Variants in CETP observed in about 807,000 individuals in gnomAD.
The protein encoded by CETP is cholesteryl ester transfer protein.
In CETP, 56 loss-of-function variants were observed where a neutral mutation model predicts 66.5. That is an observed-to-expected ratio of 0.84 (90% confidence interval 0.68 to 1.05). CETP has a LOEUF of 1.05. Among genes scored for constraint, CETP ranks in the 50% least tolerant of loss-of-function variants. The probability of loss-of-function intolerance (pLI) is 0.00; values close to 1 mark genes in which losing one functional copy is unlikely to be tolerated. For synonymous variants in CETP, 251 were observed against 245.7 expected (o/e 1.02, Z -0.20); for missense variants, 612 against 609.6 (o/e 1.00, Z -0.04).
rs536221680 is a variant in CETP at position 56,983,331 on chromosome 16, G to A, written c.1327G>A (p.Glu443Lys). 37 of 1,614,174 alleles carry A rather than the reference G, an allele frequency of 2.3e-5. No individual in the cohort carries two copies. The highest frequency in any genetic ancestry group is 6.7e-5 in the Admixed American group (4 of 60,026). ...VGIPEVMSRL[E>K]VVFTALMNSK... ...GGCTCTGTCCCCTGCCCCAGGGCTC[G>A]AGGTAGTGTTTACAGCCCTCATGAA... The change falls in exon 15 of 16, where the codon GAG (glutamate) becomes AAG (lysine). Residue 443 changes from glutamate to lysine, a missense_variant. Glu to Lys is a moderately conservative substitution (Grantham distance 56, BLOSUM62 1). Coordinates refer to ENST00000200676, the MANE Select transcript of CETP (RefSeq NM_000078.3).
chr16:56,981,313 G>A, intron 12 of CETP, 88 bp downstream of exon 12: 1 of 1,069,510 alleles, frequency 9.4e-7, no homozygotes, highest in South Asian at 1.3e-5. Context: ...GGGTGTTGGT[G>A]GGGAAATGTG....
chr16:56,971,366 G>A lies in CETP; in HGVS notation c.643G>A (p.Val215Ile). ...CATCTCTAACATCATGGCCGATTTT[G>A]TCCAGACAAGGGCTGGTGAGTGCGT... ...NVISNIMADF[V>I]QTRAASILSD... Residue 215 changes from valine (V) to isoleucine (I), a missense_variant, in exon 7 of 16, where the codon GTC (valine) becomes ATC (isoleucine). Physicochemically the swap from Val to Ile is conservative, Grantham distance 29. Transcript: ENST00000200676. 1 of 1,613,906 alleles carries A rather than the reference G, an allele frequency of 6.2e-7. No individual in the cohort carries two copies. Among genetic ancestry groups the A allele is most frequent in the Admixed American group, 1.7e-5 (1 of 60,004 alleles).
At chr16:56,962,150 A>G in intron 1 of CETP, 53 bp downstream of exon 1, 1 of 1,471,524 alleles carries the variant, frequency 6.8e-7, no homozygotes, top group Non-Finnish European at 9.5e-7. Flanking sequence ...ATGGACACCC[A>G]CTATGCCAGG....
At chr16:56,970,469 C>A (rs1286783072) in intron 5 of CETP, among the ~76,000 whole-genome samples, 1 of 152,210 alleles carries the variant, frequency 6.6e-6, no homozygotes, top group East Asian at 1.9e-4. Flanking sequence ...CACAACTCGC[C>A]ACTAAGGGAT....
intron 2 of CETP, among the ~76,000 whole-genome samples, chr16:56,964,639 C>A (rs770103962): frequency 4.6e-5 from 7 of 152,212 alleles, no homozygotes; most frequent in Non-Finnish European, 8.8e-5. Flanking sequence ...ACACGCTCCC[C>A]AGGGGTGGTC....
At chr16:56,965,748 A>G (rs2056061476) in intron 2 of CETP, among the ~76,000 whole-genome samples, 1 of 152,114 alleles carries the variant, frequency 6.6e-6, no homozygotes, top group Non-Finnish European at 1.5e-5. Context: ...GAGTTCAGCA[A>G]GGGTAGAGGG....
chr16:56,971,038 G>T lies in CETP; in HGVS notation c.533G>T (p.Gly178Val). 1 of 1,614,120 alleles carries T rather than the reference G, an allele frequency of 6.2e-7. No homozygotes were observed. Among genetic ancestry groups the T allele is most frequent in the Non-Finnish European group, 8.5e-7 (1 of 1,180,030 alleles). Reference protein sequence around the residue: ...LLHLQGEREPGWIKQLFTNFI... With the variant: ...LLHLQGEREPVWIKQLFTNFI... ...GTGGTGCTTGCTGCCTTCAGGCCTG[G>T]GTGGATCAAGCAGCTGTTCACAAAT... Residue 178 changes from glycine (G) to valine (V), a missense_variant, in exon 6 of 16, where the codon GGG becomes GTG. Coordinates refer to ENST00000200676, the MANE Select transcript of CETP (RefSeq NM_000078.3).
intron 5 of CETP, among the ~76,000 whole-genome samples, chr16:56,970,580 C>G (rs548095456): frequency 5.9e-5 from 9 of 152,196 alleles, no homozygotes; most frequent in Non-Finnish European, 1.3e-4. Context: ...TCTTGGCCAA[C>G]ACCCTCTGTC....
At chr16:56,968,518 G>A (rs1395487361) in intron 2 of CETP, among the ~76,000 whole-genome samples, 1 of 151,988 alleles carries the variant, frequency 6.6e-6, no homozygotes, top group Non-Finnish European at 1.5e-5. Context: ...CTTTACCTCT[G>A]GTGGTGTATT....
chr16:56,977,840 A>G (rs1186943722), intron 10 of CETP, among the ~76,000 whole-genome samples: 1 of 152,244 alleles, frequency 6.6e-6, no homozygotes, highest in African/African-American at 2.4e-5. Context: ...AAGTGAAGGC[A>G]TCCTCAGCAC....
intron 2 of CETP, among the ~76,000 whole-genome samples, 191 bp downstream of exon 2, chr16:56,963,315 T>C (rs148303306): frequency 1.3e-5 from 2 of 152,260 alleles, no homozygotes; most frequent in East Asian, 3.9e-4. Flanking sequence ...GGGGATTTAT[T>C]GGAGTGTATC....
intron 2 of CETP, 65 bp downstream of exon 2, chr16:56,963,189 GC>G: frequency 3.8e-6 from 5 of 1,325,514 alleles, no homozygotes; most frequent in East Asian, 2.4e-5. Flanking sequence ...CCTGGGGCTT[GC>G]CCCCAGCCCA....
chr16:56,981,502 G>A (rs2056187583), intron 12 of CETP, 145 bp from the exon 13 acceptor site: 1 of 1,041,384 alleles, frequency 9.6e-7, no homozygotes, highest in African/African-American at 1.6e-5. Flanking sequence ...AATCTCAAGG[G>A]AATAGCAAAT....
chr16:56,978,317 G>A lies in CETP; in HGVS notation c.1146+62G>A, dbSNP rs577670919. 5.6e-5 allele frequency: 90 copies of A among 1,606,216 alleles called. 2 individuals are homozygous for A. The South Asian group carries it at 8.9e-4, about 16-fold the overall frequency. On this transcript the variant is annotated intron_variant, in intron 11 of 15. Transcript: ENST00000200676. ...CCTGACTCACATATGGGCCGCAGAG[G>A]GCAGGGGCCTGGGGGTCTCTGAAGC...
intron 2 of CETP, among the ~76,000 whole-genome samples, chr16:56,963,610 G>A (rs978719544): frequency 6.6e-6 from 1 of 152,078 alleles, no homozygotes; most frequent in East Asian, 1.9e-4. Flanking sequence ...GTCAAGGGTC[G>A]GTTGTGGGCC....
At chr16:56,962,263 C>A (rs1312517465) in intron 1 of CETP, 166 bp downstream of exon 1, 5 of 746,468 alleles carry the variant, frequency 6.7e-6, no homozygotes, top group Admixed American at 3.6e-5. Flanking sequence ...GTCATCACCC[C>A]CTCCTGACCT....
intron 5 of CETP, 113 bp from the exon 6 acceptor site, chr16:56,970,920 T>G: frequency 8.3e-6 from 8 of 963,518 alleles, no homozygotes; most frequent in African/African-American, 1.6e-5. Flanking sequence ...TCTTACTTCC[T>G]GAGCTACAAG....
Position 56,981,162 on chromosome 16 carries a change from T to C in CETP, c.1151T>C (p.Ile384Thr). The change falls in exon 12 of 16, where the codon ATC becomes ACC. Residue 384 changes from isoleucine to threonine, a missense_variant. Coordinates refer to ENST00000200676, the MANE Select transcript of CETP (RefSeq NM_000078.3). ...AAATTTGGTTTCTCTCCCCAGGATA[T>C]CGTGACTACCGTCCAGGCCTCCTAT... ...HSVAYTFEEDIVTTVQASYSK... is the reference protein window; with the variant it reads ...HSVAYTFEEDTVTTVQASYSK... 1 of 1,613,168 alleles carries C rather than the reference T, an allele frequency of 6.2e-7. No homozygotes were observed. The highest frequency in any genetic ancestry group is 2.2e-5 in the East Asian group (1 of 44,874).
rs1352762333 is a variant in CETP at position 56,978,221 on chromosome 16, A to C, written c.1112A>C (p.Asp371Ala). Residue 371 changes from aspartate (D) to alanine (A), a missense_variant, in exon 11 of 16, where the codon GAC becomes GCC. Physicochemically the swap from Asp to Ala is moderately radical, Grantham distance 126. Coordinates refer to ENST00000200676, the MANE Select transcript of CETP (RefSeq NM_000078.3). ...GTGAAATTCCTCTTTCCACGCCCAGACCAGCAACATTCTGTAGCTTACACA... is the reference window on the plus strand; with the variant it reads ...GTGAAATTCCTCTTTCCACGCCCAGCCCAGCAACATTCTGTAGCTTACACA... Reference protein sequence around the residue: ...VMVKFLFPRPDQQHSVAYTFE... With the variant: ...VMVKFLFPRPAQQHSVAYTFE... 6.2e-7 allele frequency: 1 copy of C among 1,614,222 alleles called. No homozygotes were observed. The highest frequency in any genetic ancestry group is 1.3e-5 in the African/African-American group (1 of 75,050).
Sources: allele counts gnomAD v4.1 joint callset (sites outside exome capture counted in the v4.1 genomes callset), GRCh38; gene constraint gnomAD v4.1.1; transcripts MANE v1.5; gene names NCBI Gene and HGNC (gene_info 2026-07-23, HGNC 2026-07-21).